Variants in CTDSPL observed in about 807,000 individuals in gnomAD.
CTDSPL encodes CTD small phosphatase like, also known as CTD small phosphatase-like protein.
In CTDSPL, 8 loss-of-function variants were observed where a neutral mutation model predicts 30.5. That is an observed-to-expected ratio of 0.26 (90% CI 0.15 to 0.47). The LOEUF (loss-of-function observed/expected upper bound fraction) is 0.47. Among genes scored for constraint, CTDSPL ranks in the 20% least tolerant of loss-of-function variants. The pLI is 0.99. For missense variants in CTDSPL, 248 were observed against 366.1 expected, an observed-to-expected ratio of 0.68 and a Z score of 2.63; for synonymous variants, 110 against 137.9, an observed-to-expected ratio of 0.80 and a Z score of 1.42.
chr3:37,932,002 G>A (rs1698861023), intron 1 of CTDSPL, among the ~76,000 whole-genome samples: 1 of 151,896 alleles, frequency 6.6e-6, no homozygotes, highest in East Asian at 1.9e-4. Flanking sequence ...AAAGTAAAAG[G>A]GAGACTAGTA....
intron 1 of CTDSPL, among the ~76,000 whole-genome samples, chr3:37,944,154 C>T (rs1699010152): frequency 6.7e-6 from 1 of 150,340 alleles, no homozygotes; most frequent in South Asian, 2.2e-4. Flanking sequence ...TACTCCCCCC[C>T]CATTATTAGA....
At position 37,982,438 on chromosome 3, in the gene CTDSPL, T is replaced by C; in HGVS notation, c.*1571T>C. 1 of 416,042 alleles carries C rather than the reference T, an allele frequency of 2.4e-6. No individual in the cohort carries two copies. The highest frequency in any genetic ancestry group is 1.7e-5 in the South Asian group (1 of 58,196). 25.8% of individuals were successfully genotyped at this position (416,042 alleles called of 1,614,324 possible). ...ACAATTAAAAAGAACCCTTTCATAT[T>C]GGCACCATTGCCTTAGTCCTCTGTG... On this transcript the variant is annotated 3_prime_UTR_variant, in exon 8 of 8. Coordinates refer to ENST00000273179, the MANE Select transcript of CTDSPL (RefSeq NM_001008392.2).
intron 2 of CTDSPL, 117 bp downstream of exon 2, chr3:37,947,328 T>A (rs1432632906): frequency 1.7e-6 from 2 of 1,206,954 alleles, no homozygotes; most frequent in Non-Finnish European, 2.3e-6. Flanking sequence ...GGCTCACGTC[T>A]GTAATATCAG....
At chr3:37,891,813 C>G (rs957204257) in intron 1 of CTDSPL, among the ~76,000 whole-genome samples, 8 of 152,058 alleles carry the variant, frequency 5.3e-5, no homozygotes, top group Admixed American at 5.2e-4. Context: ...ATGTACTGGT[C>G]CATAGAGAAT....
At chr3:37,905,325 T>A (rs1698501356) in intron 1 of CTDSPL, among the ~76,000 whole-genome samples, 1 of 152,228 alleles carries the variant, frequency 6.6e-6, no homozygotes, top group Non-Finnish European at 1.5e-5. Context: ...TCAAATAACG[T>A]TTTGATCTTT....
At chr3:37,872,977 T>C (rs1575275784) in intron 1 of CTDSPL, among the ~76,000 whole-genome samples, 1 of 152,146 alleles carries the variant, frequency 6.6e-6, no homozygotes, top group African/African-American at 2.4e-5. Flanking sequence ...TGGCTGTGAG[T>C]GAAAGCCCTG....
chr3:37,867,918 C>T (rs1035489101), intron 1 of CTDSPL, among the ~76,000 whole-genome samples: 4 of 152,102 alleles, frequency 2.6e-5, no homozygotes, highest in African/African-American at 4.8e-5. Context: ...CTACAGAACT[C>T]GTTTGTCACC....
intron 7 of CTDSPL, among the ~76,000 whole-genome samples, chr3:37,979,312 A>G (rs926699196): frequency 2.0e-5 from 3 of 148,020 alleles, no homozygotes; most frequent in African/African-American, 2.5e-5. Context: ...AAAAAAAAAG[A>G]AAAAAAAAAG....
intron 1 of CTDSPL, among the ~76,000 whole-genome samples, chr3:37,942,918 T>G (rs1698994186): frequency 6.7e-6 from 1 of 150,248 alleles, no homozygotes; most frequent in African/African-American, 2.4e-5. Context: ...ATGTCAAGAA[T>G]TAATTGTGGG....
intron 1 of CTDSPL, among the ~76,000 whole-genome samples, chr3:37,920,992 C>T (rs1698706608): frequency 6.6e-6 from 1 of 152,194 alleles, no homozygotes; most frequent in Admixed American, 6.5e-5. Flanking sequence ...TAGGTTTGAA[C>T]CCGGGTCTTT....
chr3:37,875,209 C>G (rs748769249), intron 1 of CTDSPL, among the ~76,000 whole-genome samples: 2 of 152,194 alleles, frequency 1.3e-5, no homozygotes, highest in Non-Finnish European at 2.9e-5. Flanking sequence ...TCTGGAAACA[C>G]TGGTGGTATA....
chr3:37,892,445 A>T (rs1698338576), intron 1 of CTDSPL, among the ~76,000 whole-genome samples: 1 of 152,130 alleles, frequency 6.6e-6, no homozygotes, highest in Non-Finnish European at 1.5e-5. Flanking sequence ...CTTATAACAT[A>T]TTTTTTTAAT....
At chr3:37,910,277 C>A (rs1469448490) in intron 1 of CTDSPL, among the ~76,000 whole-genome samples, 1 of 152,078 alleles carries the variant, frequency 6.6e-6, no homozygotes, top group Non-Finnish European at 1.5e-5. Flanking sequence ...GTTAGGAGTT[C>A]GAAACCAGCC....
At chr3:37,977,028 A>G (rs574783544) in intron 7 of CTDSPL, among the ~76,000 whole-genome samples, 1 of 152,258 alleles carries the variant, frequency 6.6e-6, no homozygotes, top group Non-Finnish European at 1.5e-5. Context: ...AGTCTCGCTT[A>G]TAACCAAAAA....
intron 1 of CTDSPL, among the ~76,000 whole-genome samples, chr3:37,911,212 A>G (rs539715401): frequency 6.6e-6 from 1 of 152,380 alleles, no homozygotes; most frequent in Admixed American, 6.5e-5. Flanking sequence ...GGCAAGCCCC[A>G]GATGGGATTA....
Position 37,964,032 on chromosome 3 carries a change from TAAAAAAAAAAAAAAAAAAAAAA to T in CTDSPL, c.268-523_268-502del, listed in dbSNP as rs58061973. Among the ~76,000 whole-genome samples, 42 of 22,988 alleles carry T rather than the reference TAAAAAAAAAAAAAAAAAAAAAA, an allele frequency of 1.8e-3. No homozygotes were observed. In the South Asian group the frequency reaches 0.053, roughly 29 times the overall value. The allele number at this position is 22,988 out of a possible 152,430, so 15.1% of individuals were successfully genotyped here. The stretch of plus-strand genomic sequence containing the variant: ...CAAGTTTTTTAAAAATCTCAGTCAC[TAAAAAAAAAAAAAAAAAAAAAA>T]AAAAAAAAAAAAAAATCTGTAGTTC... On this transcript the variant is annotated intron_variant, in intron 3 of 7. Transcript: ENST00000273179.
intron 1 of CTDSPL, among the ~76,000 whole-genome samples, chr3:37,933,157 G>GA (rs57356731): frequency 0.016 from 1,007 of 61,568 alleles, 6 homozygotes; most frequent in African/African-American, 0.036. Context: ...TCTGTCTCAA[G>GA]AAAAAAAAAA....
intron 1 of CTDSPL, among the ~76,000 whole-genome samples, chr3:37,945,390 C>A (rs1329937775): frequency 6.6e-6 from 1 of 152,052 alleles, no homozygotes; most frequent in Non-Finnish European, 1.5e-5. Context: ...AAGGAACCGA[C>A]ACAATCCTGC....
chr3:37,916,868 A>C (rs1046148346), intron 1 of CTDSPL, among the ~76,000 whole-genome samples: 3 of 152,180 alleles, frequency 2.0e-5, no homozygotes, highest in African/African-American at 7.2e-5. Context: ...AGGTGATGCT[A>C]TATGGGATCA....
Sources: gnomAD v4.1 joint callset for allele counts (sites outside exome capture counted in the v4.1 genomes callset) on GRCh38, gnomAD v4.1.1 for gene constraint, MANE v1.5 for transcripts, NCBI Gene and HGNC (gene_info 2026-07-23, HGNC 2026-07-21) for gene names.